Variants in MEF2B observed in about 807,000 individuals in gnomAD.
MEF2B encodes myocyte enhancer factor 2B.
Under a neutral mutation model 32.2 loss-of-function variants are expected in MEF2B, and 15 were observed. The observed-to-expected ratio is 0.47, with a 90% CI of 0.31 to 0.72. The LOEUF (loss-of-function observed/expected upper bound fraction) is 0.72, where lower values mean the gene tolerates loss of function less well. Ranked by LOEUF, MEF2B falls within the 30% of genes least tolerant of loss-of-function variation. The probability of loss-of-function intolerance (pLI) is 0.05; values close to 1 mark genes in which losing one functional copy is unlikely to be tolerated. For missense variants in MEF2B, 441 were observed against 511.5 expected (o/e 0.86, Z 1.33); for synonymous variants, 205 against 225.6 (o/e 0.91, Z 0.82).
intron 4 of MEF2B, 97 bp downstream of exon 4, chr19:19,147,601 T>C: frequency 6.5e-7 from 1 of 1,547,634 alleles, no homozygotes; most frequent in African/African-American, 1.4e-5. Flanking sequence ...AACTCTAGGA[T>C]CCCTGGCTCT....
At chr19:19,150,632 C>A in intron 2 of MEF2B, 50 bp downstream of exon 2, 2 of 1,612,380 alleles carry the variant, frequency 1.2e-6, no homozygotes, top group Non-Finnish European at 1.7e-6. Context: ...TAGGCCATGC[C>A]CCCTGCTAGG....
At chr19:19,146,991 AC>A (rs762017017) in intron 5 of MEF2B, 44 bp downstream of exon 5, 1 of 1,564,388 alleles carries the variant, frequency 6.4e-7, no homozygotes, top group Non-Finnish European at 8.7e-7. Flanking sequence ...ATGCACCCAA[AC>A]AGCCCCTCAG....
chr19:19,153,589 T>G (rs930890066), intron 1 of MEF2B, among the ~76,000 whole-genome samples: 1 of 152,078 alleles, frequency 6.6e-6, no homozygotes, highest in Non-Finnish European at 1.5e-5. Context: ...CCCAAGTAGC[T>G]GCGATTACGG....
rs535049147 is a variant in MEF2B at position 19,167,115 on chromosome 19, C to A, written c.-30+3090G>T. On this transcript the variant is annotated intron_variant, in intron 1 of 8. Transcript: ENST00000424583. ...CCTGTAATCCCAGGACTTTGGGAGGCCAAGGCAGGTGGATCACCTGTGATC... is the reference window on the plus strand; with the variant it reads ...CCTGTAATCCCAGGACTTTGGGAGGACAAGGCAGGTGGATCACCTGTGATC... Among the ~76,000 whole-genome samples the A allele has an allele frequency of 4.3e-4, 66 of 152,042 alleles. 1 individual carries two copies. The highest frequency in any genetic ancestry group is 7.8e-4 in the Non-Finnish European group (53 of 67,986).
chr19:19,167,666 C>A (rs191455895), intron 1 of MEF2B, among the ~76,000 whole-genome samples: 14 of 152,280 alleles, frequency 9.2e-5, no homozygotes, highest in Non-Finnish European at 1.6e-4. Flanking sequence ...TCCAGATGTC[C>A]ACCTGGTTGG....
chr19:19,150,533 A>G, intron 2 of MEF2B, 149 bp downstream of exon 2: 2 of 1,111,048 alleles, frequency 1.8e-6, no homozygotes, highest in Non-Finnish European at 2.5e-6. Context: ...CAAAAAAAAA[A>G]AAAAAAAAAA....
chr19:19,146,879 GGGAAGA>G lies in MEF2B; in HGVS notation c.542-10_542-5del, dbSNP rs768508112. ...GAGAAGAGAGGGTGCACCAGGCCTG[GGGAAGA>G]GGAGACCCCAGAGAGAGAGGACAGG... On this transcript the variant is annotated splice_polypyrimidine_tract_variant and splice_region_variant and intron_variant, in intron 5 of 8. Transcript: ENST00000424583. 4.3e-6 allele frequency: 7 copies of G among 1,610,330 alleles called. No individual in the cohort carries two copies. The highest frequency in any genetic ancestry group is 5.9e-6 in the Non-Finnish European group (7 of 1,178,514).
rs190957839 is a variant in MEF2B, at chr19:19,155,809, C to A, written c.-29-5045G>T. ...GGAACTGCTGGGGGAGGTGGCAGCA[C>A]AGGCTGAATGTGCCAGGCACGAGGG... On this transcript the variant is annotated intron_variant, in intron 1 of 8. Coordinates refer to ENST00000424583, the MANE Select transcript of MEF2B (RefSeq NM_001145785.2). Among the ~76,000 whole-genome samples the A allele has an allele frequency of 4.6e-3, 699 of 152,310 alleles. 9 individuals are homozygous for A. Among genetic ancestry groups the A allele is most frequent in the African/African-American group, 0.016 (675 of 41,572 alleles).
In MEF2B at chr19:19,145,871, G is replaced by A. The variant is rs1354351279; in HGVS notation, c.1033C>T (p.Arg345Trp). The A allele has an allele frequency of 6.8e-7, 1 of 1,477,676 alleles. No individual in the cohort carries two copies. Among genetic ancestry groups the A allele is most frequent in the Non-Finnish European group, 9.0e-7 (1 of 1,112,338 alleles). The allele number at this position is 1,477,676 out of a possible 1,614,324, so 91.5% of individuals were successfully genotyped here. Residue 345 changes from arginine (R) to tryptophan (W), a missense_variant, in exon 9 of 9, where the codon CGG becomes TGG. Coordinates refer to ENST00000424583, the MANE Select transcript of MEF2B (RefSeq NM_001145785.2). The surrounding 1 kb of genome is among the most constrained non-coding windows in gnomAD (Gnocchi z 4.6). ...GGCCGCAGAGGCTCTGCCAGGGACC[G>A]GGCGAGGAGCAAGGGATAGGGGAAG... ...KTFPYPLLLA[R>W]SLAEPLRPGP...
At chr19:19,167,249 G>T (rs575357672) in intron 1 of MEF2B, among the ~76,000 whole-genome samples, 1 of 151,778 alleles carries the variant, frequency 6.6e-6, no homozygotes, top group African/African-American at 2.4e-5. Context: ...TACTCAGGAG[G>T]CTAAGGCAGA....
rs192098144 is a variant in MEF2B, at chr19:19,157,503, G to A, written c.-29-6739C>T. 6.8e-4 allele frequency among the ~76,000 whole-genome samples: 104 copies of A among 152,278 alleles called. 1 individual carries two copies. Among genetic ancestry groups the A allele is most frequent in the African/African-American group, 2.2e-3 (93 of 41,552 alleles). On this transcript the variant is annotated intron_variant, in intron 1 of 8. Transcript: ENST00000424583. ...CAATTCGACGATCCCAGACTCCATC[G>A]AGAAGATGCACTGTGTGATTTTATT...
At chr19:19,158,980 G>A (rs113826296) in intron 1 of MEF2B, among the ~76,000 whole-genome samples, 1 of 150,374 alleles carries the variant, frequency 6.7e-6, no homozygotes, top group Non-Finnish European at 1.5e-5. Context: ...TGCTCTTGTC[G>A]CCCAGGCTGG....
At chr19:19,153,013 C>T (rs1362607733) in intron 1 of MEF2B, among the ~76,000 whole-genome samples, 1 of 152,222 alleles carries the variant, frequency 6.6e-6, no homozygotes, top group African/African-American at 2.4e-5. Context: ...CCTGTTCCCA[C>T]GGCTGGGATA....
At chr19:19,164,257 G>A (rs2146382147) in intron 1 of MEF2B, among the ~76,000 whole-genome samples, 1 of 152,190 alleles carries the variant, frequency 6.6e-6, no homozygotes, top group Middle Eastern at 3.4e-3. Context: ...CGTGAGCCCG[G>A]CCCTACTTGT....
At chr19:19,155,513 C>T (rs1483872482) in intron 1 of MEF2B, among the ~76,000 whole-genome samples, 2 of 152,198 alleles carry the variant, frequency 1.3e-5, no homozygotes, top group Non-Finnish European at 2.9e-5. Context: ...AGTAGATCAA[C>T]AGAGATGTCA....
At chr19:19,146,168 C>T in intron 8 of MEF2B, 105 bp downstream of exon 8, 1 of 846,998 alleles carries the variant, frequency 1.2e-6, no homozygotes, top group Non-Finnish European at 1.7e-6. Context: ...AAAATAGCTG[C>T]CCATCCGTAC....
rs1354351279 is a variant in MEF2B at position 19,145,871 on chromosome 19, G to C, written c.1033C>G (p.Arg345Gly). The change falls in exon 9 of 9, where the codon CGG (arginine) becomes GGG (glycine). Residue 345 changes from arginine (R) to glycine (G), a missense_variant. This residue lies in a region of MEF2B where 326 missense variants were observed against 328.4 expected (regional missense o/e 0.99). Coordinates refer to ENST00000424583, the MANE Select transcript of MEF2B (RefSeq NM_001145785.2). This position sits in a 1 kb window ranked among gnomAD's most constrained non-coding sequence, Gnocchi z 4.6. The part of the protein sequence containing the change: ...KTFPYPLLLA[R>G]SLAEPLRPGP... The stretch of plus-strand genomic sequence containing the variant: ...GGCCGCAGAGGCTCTGCCAGGGACC[G>C]GGCGAGGAGCAAGGGATAGGGGAAG... 6.8e-7 allele frequency: 1 copy of C among 1,477,676 alleles called. No homozygotes were observed. Among genetic ancestry groups the C allele is most frequent in the Non-Finnish European group, 9.0e-7 (1 of 1,112,338 alleles). The allele number at this position is 1,477,676 out of a possible 1,614,324, so 91.5% of individuals were successfully genotyped here.
intron 1 of MEF2B, among the ~76,000 whole-genome samples, chr19:19,152,389 A>AAAAAAAG (rs1291823035): frequency 2.1e-5 from 3 of 145,472 alleles, no homozygotes; most frequent in Non-Finnish European, 3.0e-5. Flanking sequence ...TCAAAAAAAA[A>AAAAAAAG]AAAGAAAAAG....
chr19:19,153,080 T>G (rs1599725020), intron 1 of MEF2B, among the ~76,000 whole-genome samples: 1 of 151,878 alleles, frequency 6.6e-6, no homozygotes. Flanking sequence ...GGTCCGGAGG[T>G]CCCAGGGCCA....
Sources: gnomAD v4.1 joint callset for allele counts (sites outside exome capture counted in the v4.1 genomes callset) on GRCh38, gnomAD v4.1.1 for gene constraint, gnomAD v4.1.1 regional missense constraint, Gnocchi (gnomAD v3.1) non-coding constraint, MANE v1.5 for transcripts, NCBI Gene and HGNC (gene_info 2026-07-23, HGNC 2026-07-21) for gene names.